APP: variants seen among roughly 807,000 people sequenced by gnomAD.
APP encodes amyloid beta precursor protein.
Under a neutral mutation model 101.4 loss-of-function variants are expected in APP, and 31 were observed. The ratio of observed to expected loss-of-function variants is 0.31; its 90% CI spans 0.23 to 0.41. The LOEUF (loss-of-function observed/expected upper bound fraction) is 0.41, where lower values mean the gene tolerates loss of function less well. Ranked by LOEUF, APP falls within the 10% of genes least tolerant of loss-of-function variation. The probability of loss-of-function intolerance (pLI) is 1.00; values close to 1 mark genes in which losing one functional copy is unlikely to be tolerated. For missense variants in APP, 839 were observed against 1,003.7 expected (o/e 0.84, Z 2.22); for synonymous variants, 366 against 364.4 (o/e 1.00, Z -0.05).
At chr21:25,971,334 C>T (rs995853747) in intron 11 of APP, among the ~76,000 whole-genome samples, 7 of 152,228 alleles carry the variant, frequency 4.6e-5, no homozygotes, top group African/African-American at 1.7e-4. Flanking sequence ...GCGTGAGCCA[C>T]CACACCTGGC....
At chr21:26,085,670 TCAAAGAATTA>T (rs1229318837) in intron 3 of APP, among the ~76,000 whole-genome samples, 2 of 152,140 alleles carry the variant, frequency 1.3e-5, no homozygotes, top group Admixed American at 1.3e-4. Context: ...TTACATAAAT[TCAAAGAATTA>T]CCCTGGTATA....
chr21:25,985,731 C>A (rs1025468273), intron 8 of APP, among the ~76,000 whole-genome samples: 1 of 152,112 alleles, frequency 6.6e-6, no homozygotes, highest in African/African-American at 2.4e-5. Context: ...AATACAATTT[C>A]TCTTCAAGTA....
intron 1 of APP, among the ~76,000 whole-genome samples, chr21:26,122,793 G>T (rs2062603719): frequency 6.6e-6 from 1 of 151,684 alleles, no homozygotes; most frequent in South Asian, 2.1e-4. Flanking sequence ...TTTATTAAAA[G>T]ATTTCTTAAA....
intron 1 of APP, among the ~76,000 whole-genome samples, chr21:26,134,523 C>T (rs1272353670): frequency 1.3e-5 from 2 of 152,110 alleles, no homozygotes; most frequent in Non-Finnish European, 2.9e-5. Context: ...AAGAGATGCA[C>T]GGGGTGAGGT....
intron 3 of APP, among the ~76,000 whole-genome samples, chr21:26,077,006 T>C (rs1022806032): frequency 6.7e-6 from 1 of 148,690 alleles, no homozygotes; most frequent in Non-Finnish European, 1.5e-5. Flanking sequence ...GAGGCTGCGA[T>C]GAGCCAAGAC....
chr21:25,948,036 C>A (rs910778595), intron 13 of APP, among the ~76,000 whole-genome samples: 2 of 149,104 alleles, frequency 1.3e-5, no homozygotes, highest in Admixed American at 6.7e-5. Flanking sequence ...GTTCTTATGT[C>A]CAAATACTTA....
At chr21:26,127,019 CAA>C (rs1475645122) in intron 1 of APP, among the ~76,000 whole-genome samples, 1 of 151,412 alleles carries the variant, frequency 6.6e-6, no homozygotes, top group African/African-American at 2.4e-5. Context: ...GTTGGTGTAT[CAA>C]AAGTTATTAA....
chr21:25,943,435 A>C (rs1345511502), intron 13 of APP, among the ~76,000 whole-genome samples: 9 of 422 alleles, frequency 0.021, no homozygotes, highest in African/African-American at 0.073. Flanking sequence ...TACAGGCGTG[A>C]GCACCGCACC....
intron 9 of APP, among the ~76,000 whole-genome samples, chr21:25,980,726 A>T (rs2042400098): frequency 1.3e-5 from 2 of 152,200 alleles, no homozygotes; most frequent in Non-Finnish European, 2.9e-5. Context: ...CTTTCTAGAT[A>T]AACTATTAGT....
intron 11 of APP, among the ~76,000 whole-genome samples, chr21:25,967,351 C>T (rs547374463): frequency 7.2e-5 from 11 of 152,280 alleles, no homozygotes; most frequent in African/African-American, 2.2e-4. Context: ...AACAGATGTA[C>T]AGGAAAATGT....
intron 3 of APP, among the ~76,000 whole-genome samples, chr21:26,054,798 T>C (rs1159666571): frequency 2.0e-5 from 3 of 151,794 alleles, no homozygotes; most frequent in South Asian, 2.1e-4. Flanking sequence ...ATACAGATCG[T>C]CCACACAGCA....
intron 6 of APP, among the ~76,000 whole-genome samples, chr21:26,010,813 T>A (rs1266396451): frequency 3.3e-5 from 2 of 59,934 alleles, no homozygotes; most frequent in Admixed American, 5.3e-4. Context: ...AGAGTGAGAC[T>A]TCGTCTCAAA....
intron 8 of APP, among the ~76,000 whole-genome samples, chr21:25,989,815 T>C (rs183853257): frequency 6.6e-6 from 1 of 152,150 alleles, no homozygotes; most frequent in African/African-American, 2.4e-5. Flanking sequence ...ATCATTTATA[T>C]ATGAGTGAAA....
intron 1 of APP, among the ~76,000 whole-genome samples, chr21:26,149,910 TC>T (rs2063228935): frequency 6.6e-6 from 1 of 152,108 alleles, no homozygotes; most frequent in African/African-American, 2.4e-5. Context: ...CCCAGCATGC[TC>T]CCACCTCACA....
chr21:25,891,458 A>C (rs187696708), intron 17 of APP, among the ~76,000 whole-genome samples: 13 of 152,294 alleles, frequency 8.5e-5, no homozygotes, highest in Non-Finnish European at 1.5e-4. Context: ...GTCATGCATT[A>C]TCATTTGTAT....
intron 2 of APP, among the ~76,000 whole-genome samples, chr21:26,102,712 GA>G (rs1201147080): frequency 1.3e-5 from 2 of 151,706 alleles, no homozygotes; most frequent in African/African-American, 4.8e-5. Context: ...CCAACATGGT[GA>G]AACCCCATCT....
chr21:25,933,162 G>T (rs2040219129), intron 13 of APP, among the ~76,000 whole-genome samples: 1 of 152,136 alleles, frequency 6.6e-6, no homozygotes, highest in African/African-American at 2.4e-5. Flanking sequence ...GCAGTGATGT[G>T]ATCATAGCTC....
chr21:25,970,472 T>A (rs1237098152), intron 11 of APP, among the ~76,000 whole-genome samples: 1 of 152,112 alleles, frequency 6.6e-6, no homozygotes, highest in East Asian at 1.9e-4. Context: ...CACCAGCCTA[T>A]CCTTCTCTGG....
At chr21:25,909,521 T>G (rs967518279) in intron 14 of APP, among the ~76,000 whole-genome samples, 2 of 149,442 alleles carry the variant, frequency 1.3e-5, no homozygotes, top group Non-Finnish European at 3.0e-5. Flanking sequence ...TATCCAGAAG[T>G]ACTTAATCAA....
Sources: gnomAD v4.1 joint callset for allele counts (sites outside exome capture counted in the v4.1 genomes callset) on GRCh38, gnomAD v4.1.1 for gene constraint, MANE v1.5 for transcripts, NCBI Gene and HGNC (gene_info 2026-07-23, HGNC 2026-07-21) for gene names.